RNF150: variants seen among roughly 807,000 people sequenced by gnomAD.
RNF150 encodes ring finger protein 150.
A neutral mutation model predicts 39.3 loss-of-function variants in RNF150; 24 were observed. That is an observed-to-expected ratio of 0.61 (90% CI 0.44 to 0.86). The LOEUF (loss-of-function observed/expected upper bound fraction) is 0.86. Among genes scored for constraint, RNF150 ranks in the 40% least tolerant of loss-of-function variants. The probability of loss-of-function intolerance (pLI) is 0.00; values close to 1 mark genes in which losing one functional copy is unlikely to be tolerated. For missense variants in RNF150, 502 were observed against 587.8 expected (o/e 0.85, Z 1.51); for synonymous variants, 255 against 227.3 (o/e 1.12, Z -1.10).
intron 6 of RNF150, among the ~76,000 whole-genome samples, chr4:140,909,795 A>ATCTT (rs1256559788): frequency 3.9e-5 from 6 of 152,168 alleles, no homozygotes; most frequent in African/African-American, 9.7e-5. Flanking sequence ...CAATACTGAG[A>ATCTT]TCTTTATACC....
At chr4:141,114,089 A>G (rs1739472944) in intron 1 of RNF150, among the ~76,000 whole-genome samples, 1 of 152,190 alleles carries the variant, frequency 6.6e-6, no homozygotes. Flanking sequence ...CAAAATCACA[A>G]TTAAAAGAAT....
At chr4:141,136,089 C>T (rs907460220), upstream of RNF150, among the ~76,000 whole-genome samples, 3 of 152,090 alleles carry the variant, frequency 2.0e-5, no homozygotes, top group Admixed American at 6.5e-5. Flanking sequence ...AAGAACTGAT[C>T]CAAATTGAAG....
At chr4:140,875,570 T>G (rs762970077) in intron 6 of RNF150, among the ~76,000 whole-genome samples, 3 of 152,102 alleles carry the variant, frequency 2.0e-5, no homozygotes, top group Non-Finnish European at 2.9e-5. Flanking sequence ...CATACACACA[T>G]TTATAGCTAC....
intron 1 of RNF150, among the ~76,000 whole-genome samples, chr4:141,157,898 A>G (rs1424382246): frequency 6.6e-6 from 1 of 152,180 alleles, no homozygotes; most frequent in Non-Finnish European, 1.5e-5. Context: ...CATTTGCTCT[A>G]TGGCTCATAT....
At chr4:140,891,556 C>A (rs1334727335) in intron 6 of RNF150, among the ~76,000 whole-genome samples, 2 of 152,160 alleles carry the variant, frequency 1.3e-5, no homozygotes, top group Non-Finnish European at 2.9e-5. Context: ...CATTCCTCCC[C>A]CTCCTTTAGC....
intron 1 of RNF150, among the ~76,000 whole-genome samples, chr4:141,162,003 T>C (rs1321225246): frequency 6.6e-6 from 1 of 151,986 alleles, no homozygotes; most frequent in African/African-American, 2.4e-5. Flanking sequence ...CAACACAGAG[T>C]CCGCAATGGG....
intron 1 of RNF150, among the ~76,000 whole-genome samples, chr4:141,044,106 C>T (rs2110867581): frequency 1.3e-5 from 2 of 152,266 alleles, no homozygotes; most frequent in Middle Eastern, 6.8e-3. Context: ...GGCAAAGCAT[C>T]TATACATATT....
chr4:141,004,286 A>C (rs1455872970), intron 1 of RNF150, among the ~76,000 whole-genome samples: 2 of 152,084 alleles, frequency 1.3e-5, no homozygotes, highest in Admixed American at 6.5e-5. Flanking sequence ...GACAACTAAC[A>C]AGAAGGAAAG....
intron 4 of RNF150, among the ~76,000 whole-genome samples, chr4:140,936,951 CAT>C (rs1177589031): frequency 6.6e-6 from 1 of 152,136 alleles, no homozygotes; most frequent in Non-Finnish European, 1.5e-5. Context: ...TTTACTACTC[CAT>C]GGTTCTGAGA....
intron 5 of RNF150, among the ~76,000 whole-genome samples, chr4:140,913,471 A>G (rs1382570507): frequency 6.6e-6 from 1 of 152,170 alleles, no homozygotes; most frequent in Non-Finnish European, 1.5e-5. Flanking sequence ...CCCTGTGCTC[A>G]GGATGACATT....
chr4:141,066,904 C>G (rs62327668), intron 1 of RNF150, among the ~76,000 whole-genome samples: 7,965 of 152,168 alleles, frequency 0.052, 222 homozygotes, highest in South Asian at 0.076. Flanking sequence ...TTATACAAAC[C>G]TAGATGGTAC....
chr4:141,200,205 C>T (rs1337576276), intron 1 of RNF150, among the ~76,000 whole-genome samples: 3 of 152,054 alleles, frequency 2.0e-5, no homozygotes, highest in Admixed American at 6.6e-5. Flanking sequence ...CTGATGAGGG[C>T]CCTTTTTTGG....
At chr4:141,112,881 C>G (rs1739431855) in intron 1 of RNF150, among the ~76,000 whole-genome samples, 1 of 152,078 alleles carries the variant, frequency 6.6e-6, no homozygotes, top group African/African-American at 2.4e-5. Flanking sequence ...TAGTTTTGGT[C>G]TTTTCATACA....
chr4:140,932,291 C>A (rs1731678033), intron 4 of RNF150, among the ~76,000 whole-genome samples: 1 of 152,194 alleles, frequency 6.6e-6, no homozygotes, highest in South Asian at 2.1e-4. Context: ...TGAACACTGA[C>A]ATTAATGTCA....
intron 1 of RNF150, among the ~76,000 whole-genome samples, chr4:141,190,556 C>T (rs1023200850): frequency 6.6e-6 from 1 of 152,182 alleles, no homozygotes; most frequent in African/African-American, 2.4e-5. Flanking sequence ...GGAAAAGGTC[C>T]TTGAGCTTCA....
intron 1 of RNF150, among the ~76,000 whole-genome samples, chr4:141,071,219 C>T (rs1737685904): frequency 8.3e-6 from 1 of 120,198 alleles, no homozygotes; most frequent in East Asian, 2.6e-4. Flanking sequence ...ATATCACACT[C>T]TGGGGACTGT....
At chr4:141,056,602 G>A (rs187024050) in intron 1 of RNF150, among the ~76,000 whole-genome samples, 9 of 151,732 alleles carry the variant, frequency 5.9e-5, no homozygotes, top group African/African-American at 2.2e-4. Flanking sequence ...GGCCTTTGTA[G>A]CACATTGCTA....
chr4:140,974,106 CAT>C (rs1040048739), intron 1 of RNF150, among the ~76,000 whole-genome samples: 2 of 152,068 alleles, frequency 1.3e-5, no homozygotes, highest in East Asian at 1.9e-4. Context: ...AATTTTATCA[CAT>C]ATATAGAGTC....
At chr4:141,009,245 T>G (rs1034093001) in intron 1 of RNF150, among the ~76,000 whole-genome samples, 3 of 152,214 alleles carry the variant, frequency 2.0e-5, no homozygotes, top group African/African-American at 7.2e-5. Context: ...GTGGTTTCAC[T>G]CTAATCTACC....
Sources: gnomAD v4.1 joint callset for allele counts (sites outside exome capture counted in the v4.1 genomes callset) on GRCh38, gnomAD v4.1.1 for gene constraint, MANE v1.5 for transcripts, NCBI Gene and HGNC (gene_info 2026-07-23, HGNC 2026-07-21) for gene names.